Variants in STAT6 observed in about 807,000 individuals in gnomAD.
STAT6 encodes the protein STAT, interleukin4-induced.
Under a neutral mutation model 106.3 loss-of-function variants are expected in STAT6, and 45 were observed. The observed-to-expected ratio is 0.42, with a 90% confidence interval of 0.33 to 0.54. STAT6 has a LOEUF of 0.54. STAT6 is among the 20% of genes least tolerant of loss of function. STAT6 has a pLI of 0.06. For synonymous variants in STAT6, 413 were observed against 413.6 expected (o/e 1.00, Z 0.02); for missense variants, 797 against 1,062.2 (o/e 0.75, Z 3.47).
intron 13 of STAT6, among the ~76,000 whole-genome samples, chr12:57,100,610 AAAAG>A (rs1276680609): frequency 1.3e-5 from 2 of 149,732 alleles, no homozygotes; most frequent in Non-Finnish European, 3.0e-5. Context: ...TGTCTCACAC[AAAAG>A]AAAGAAAAAG....
intron 1 of STAT6, among the ~76,000 whole-genome samples, chr12:57,108,562 G>A (rs2034412363): frequency 6.6e-6 from 1 of 152,212 alleles, no homozygotes; most frequent in Non-Finnish European, 1.5e-5. Flanking sequence ...TAGAGCGAGA[G>A]CTCTCTTAGA....
chr12:57,099,500 C>T lies in STAT6; in HGVS notation c.1745-60G>A, dbSNP rs1273118944. On this transcript the variant is annotated intron_variant, in intron 15 of 21. Coordinates refer to ENST00000300134, the MANE Select transcript of STAT6 (RefSeq NM_003153.5). This position sits in a 1 kb window ranked among gnomAD's most constrained non-coding sequence, Gnocchi z 4.7. ...CCGGACTTTCTTCCCCTTCCCCAAC[C>T]CCTACCATAAGACCTGTTCTCACTC... is the stretch of plus-strand genomic sequence containing the variant. 2 of 1,607,946 alleles carry T rather than the reference C, an allele frequency of 1.2e-6. No homozygotes were observed. The highest frequency in any genetic ancestry group is 1.7e-6 in the Non-Finnish European group (2 of 1,175,806).
At chr12:57,104,196 C>T in intron 11 of STAT6, 1 of 458,474 alleles carries the variant, frequency 2.2e-6, no homozygotes, top group Non-Finnish European at 4.0e-6. Context: ...CGTGTGTGTG[C>T]TGGCACGCAT....
chr12:57,100,651 A>G (rs1312279879), intron 13 of STAT6, among the ~76,000 whole-genome samples: 1 of 64,354 alleles, frequency 1.6e-5, no homozygotes, highest in Admixed American at 1.7e-4. Context: ...AAAGAAAGAA[A>G]GAAAGAAAGA....
chr12:57,102,092 T>C (rs1203231849), intron 13 of STAT6, among the ~76,000 whole-genome samples, 198 bp downstream of exon 13: 1 of 152,174 alleles, frequency 6.6e-6, no homozygotes, highest in East Asian at 1.9e-4. Flanking sequence ...ACCTCAGGGA[T>C]GTCAGAGAAC....
Position 57,096,307 on chromosome 12 carries a change from C to T in STAT6, c.*265G>A, listed in dbSNP as rs892424451. Reference sequence around the variant, plus strand: ...TGCGTGTGCGCGCTGCAGGTGCAGGCATGTTGGGGTGTGTCTCAGAGCCTG... The same window carrying T: ...TGCGTGTGCGCGCTGCAGGTGCAGGTATGTTGGGGTGTGTCTCAGAGCCTG... On this transcript the variant is annotated 3_prime_UTR_variant, in exon 22 of 22. Coordinates refer to ENST00000300134, the MANE Select transcript of STAT6 (RefSeq NM_003153.5). 4 of 467,602 alleles carry T rather than the reference C, an allele frequency of 8.6e-6. No individual in the cohort carries two copies. Among genetic ancestry groups the T allele is most frequent in the Non-Finnish European group, 1.5e-5 (4 of 263,278 alleles). The allele number at this position is 467,602 out of a possible 1,614,324, so 29.0% of individuals were successfully genotyped here. A position where few individuals can be genotyped will look rare whatever the true frequency, so the allele number is the denominator to read the frequency against.
Position 57,102,876 on chromosome 12 carries a change from T to G in STAT6, c.1258A>C (p.Asn420His). 6.2e-7 allele frequency: 1 copy of G among 1,613,102 alleles called. No individual in the cohort carries two copies. Among genetic ancestry groups the G allele is most frequent in the Non-Finnish European group, 8.5e-7 (1 of 1,179,780 alleles). The change falls in exon 12 of 22, where the codon AAC (asparagine) becomes CAC (histidine). Residue 420 changes from asparagine (N) to histidine (H), a missense_variant. Around this residue, in one of 4 missense-constraint regions of STAT6, gnomAD observed 222 missense variants for 354.6 expected, o/e 0.63. Transcript: ENST00000300134. ...LVVIVHGNQD[N>H]NAKATILWDN... ...CACAGGATAGTGGCTTTGGCATTGT[T>G]GTCTTGGTTGCCATGGACGATGACC... is the stretch of plus-strand genomic sequence containing the variant.
Position 57,096,172 on chromosome 12 carries a change from C to A in STAT6, c.*400G>T. Reference sequence around the variant, plus strand: ...ATGTTCCTGCCTATCCGTCCTAGGCCCTGGGTCAGAATGGGCGGAGAAGCC... The same window carrying A: ...ATGTTCCTGCCTATCCGTCCTAGGCACTGGGTCAGAATGGGCGGAGAAGCC... On this transcript the variant is annotated 3_prime_UTR_variant, in exon 22 of 22. Coordinates refer to ENST00000300134, the MANE Select transcript of STAT6 (RefSeq NM_003153.5). 5.3e-6 allele frequency: 1 copy of A among 188,514 alleles called. No individual in the cohort carries two copies. 11.7% of individuals were successfully genotyped at this position (188,514 alleles called of 1,614,324 possible). A position where few individuals can be genotyped will look rare whatever the true frequency, so the allele number is the denominator to read the frequency against.
At chr12:57,105,886 G>A (rs1565692338) in intron 7 of STAT6, 2 of 638,300 alleles carry the variant, frequency 3.1e-6, no homozygotes, top group Non-Finnish European at 5.2e-6. Context: ...GTGCTTTGTG[G>A]CAAATTGGAA....
In STAT6 at chr12:57,099,068, C is replaced by T. The variant is rs147270408; in HGVS notation, c.1902G>A (p.Met634Ile). Residue 634 changes from methionine to isoleucine, a missense_variant, in exon 17 of 22, where the codon ATG (methionine) becomes ATA (isoleucine). By Grantham distance (10) the Met-to-Ile change is conservative. Transcript: ENST00000300134. This position sits in a 1 kb window ranked among gnomAD's most constrained non-coding sequence, Gnocchi z 4.7. ...AFRSHYKPEQMGKDGRGYVPA... is the reference protein window; with the variant it reads ...AFRSHYKPEQIGKDGRGYVPA... Reference sequence around the variant, plus strand: ...GGACATAACCCCTGCCATCCTTACCCATCTGTTCAGCTGTTGTGAGAAGGA... The same window carrying T: ...GGACATAACCCCTGCCATCCTTACCTATCTGTTCAGCTGTTGTGAGAAGGA... The T allele has an allele frequency of 9.9e-6, 16 of 1,614,174 alleles. No homozygotes were observed. The African/African-American group carries it at 1.5e-4, about 15-fold the overall frequency.
At chr12:57,109,157 G>C (rs540033732) in intron 1 of STAT6, among the ~76,000 whole-genome samples, 1 of 152,184 alleles carries the variant, frequency 6.6e-6, no homozygotes, top group Non-Finnish European at 1.5e-5. Context: ...AGCAGAGATC[G>C]AGCCACTGCA....
chr12:57,097,341 T>G (rs1310899986), intron 19 of STAT6: 1 of 401,454 alleles, frequency 2.5e-6, no homozygotes, highest in East Asian at 3.7e-5. Flanking sequence ...TTTCTAATGT[T>G]TCTTTGGACT....
In STAT6 at chr12:57,102,907, G is replaced by A. The variant is rs764720589; in HGVS notation, c.1227C>T (p.Pro409=). 3.1e-6 allele frequency: 5 copies of A among 1,606,188 alleles called. No homozygotes were observed. In the South Asian group the frequency reaches 5.5e-5, roughly 18 times the overall value. ...LPIQLQALSL[P]LVVIVHGNQD... ...GGTTGCCATGGACGATGACCACCAG[G>A]GGCAGAGACAGGGCCTGAAGAGGGT... The change falls in exon 12 of 22, where the codon CCC becomes CCT. Residue 409 remains proline (P), a synonymous_variant. Transcript: ENST00000300134.
intron 13 of STAT6, 151 bp downstream of exon 13, chr12:57,102,139 C>T: frequency 1.2e-6 from 1 of 842,832 alleles, no homozygotes; most frequent in Non-Finnish European, 1.9e-6. Context: ...TGGGGTTTTT[C>T]CTCCCTGGTC....
rs976753970 is a variant in STAT6, at chr12:57,096,456, G to A, written c.*116C>T. 54 of 956,610 alleles carry A rather than the reference G, an allele frequency of 5.6e-5. No individual in the cohort carries two copies. The highest frequency in any genetic ancestry group is 7.7e-5 in the Non-Finnish European group (49 of 639,808). 59.3% of individuals were successfully genotyped at this position (956,610 alleles called of 1,614,324 possible). Reference sequence around the variant, plus strand: ...TTTTCCTCCTGACCCAGGAGTAGGTGGGGATAGGAGGGCACCCTCCCCATC... The same window carrying A: ...TTTTCCTCCTGACCCAGGAGTAGGTAGGGATAGGAGGGCACCCTCCCCATC... On this transcript the variant is annotated 3_prime_UTR_variant, in exon 22 of 22. Coordinates refer to ENST00000300134, the MANE Select transcript of STAT6 (RefSeq NM_003153.5).
In STAT6 at chr12:57,108,058, C is replaced by T. The variant is rs1159781398; in HGVS notation, c.116+105G>A. 13 of 759,066 alleles carry T rather than the reference C, an allele frequency of 1.7e-5. No individual in the cohort carries two copies. In the East Asian group the frequency reaches 3.2e-4, roughly 19 times the overall value. 47.0% of individuals were successfully genotyped at this position (759,066 alleles called of 1,614,324 possible). A position where few individuals can be genotyped will look rare whatever the true frequency, so the allele number is the denominator to read the frequency against. ...ATCTAGGTCACTACACATGGAATAA[C>T]AGGTCTCAAGTTCTGAATCCATGGG... On this transcript the variant is annotated intron_variant, in intron 2 of 21. Transcript: ENST00000300134.
intron 9 of STAT6, 94 bp from the exon 10 acceptor site, chr12:57,104,907 C>T (rs2034178012): frequency 7.1e-7 from 1 of 1,416,770 alleles, no homozygotes; most frequent in South Asian, 1.2e-5. Context: ...CTGTCACCAG[C>T]CCTAAATCTC....
chr12:57,106,617 A>G (rs538061841), intron 5 of STAT6, 37 bp from the exon 6 acceptor site: 1 of 1,613,874 alleles, frequency 6.2e-7, no homozygotes, highest in Non-Finnish European at 8.5e-7. Flanking sequence ...GTGCAGACAG[A>G]TTAGAGGTTC....
intron 11 of STAT6, 102 bp downstream of exon 11, chr12:57,104,362 G>C: frequency 5.4e-6 from 8 of 1,473,698 alleles, no homozygotes; most frequent in Non-Finnish European, 7.3e-6. Context: ...AGACACATGG[G>C]GTATGGGGCA....
Sources: gnomAD v4.1 joint callset for allele counts (sites outside exome capture counted in the v4.1 genomes callset) on GRCh38, gnomAD v4.1.1 for gene constraint, gnomAD v4.1.1 regional missense constraint, Gnocchi (gnomAD v3.1) non-coding constraint, MANE v1.5 for transcripts, NCBI Gene and HGNC (gene_info 2026-07-23, HGNC 2026-07-21) for gene names.